SYT13: variants seen among roughly 807,000 people sequenced by gnomAD.
SYT13 encodes synaptotagmin-13.
SYT13 carries 21 observed loss-of-function variants against 38.6 expected under a neutral mutation model. That is an observed-to-expected ratio of 0.54 (90% CI 0.39 to 0.78). The LOEUF (loss-of-function observed/expected upper bound fraction) is 0.78. Ranked by LOEUF, SYT13 falls within the 30% of genes least tolerant of loss-of-function variation. SYT13 has a pLI of 0.00. For synonymous variants in SYT13, 241 were observed against 237.6 expected, an observed-to-expected ratio of 1.01 and a Z score of -0.13; for missense variants, 495 against 548.7, an observed-to-expected ratio of 0.90 and a Z score of 0.98.
At chr11:45,269,623 T>C (rs1854925071) in intron 1 of SYT13, 1 of 433,328 alleles carries the variant, frequency 2.3e-6, no homozygotes, top group Non-Finnish European at 3.9e-6. Flanking sequence ...AATAACCTAA[T>C]TATTTTTACT....
At chr11:45,262,270 A>G (rs1590519474) in intron 1 of SYT13, among the ~76,000 whole-genome samples, 1 of 152,232 alleles carries the variant, frequency 6.6e-6, no homozygotes, top group African/African-American at 2.4e-5. Flanking sequence ...AGAGTCCTCA[A>G]AATCATAGAG....
chr11:45,252,870 C>T lies in SYT13; in HGVS notation c.545-148G>A, dbSNP rs557110901. ...CTGACCACCCTGGGCACCAGGGAAT[C>T]GCCTTTCAGTGAGACATTTAGAAAT... On this transcript the variant is annotated intron_variant, in intron 3 of 5. Coordinates refer to ENST00000020926, the MANE Select transcript of SYT13 (RefSeq NM_020826.3). This position sits in a 1 kb window ranked among gnomAD's most constrained non-coding sequence, Gnocchi z 4.3. 5.6e-6 allele frequency: 4 copies of T among 713,450 alleles called. No homozygotes were observed. Among genetic ancestry groups the T allele is most frequent in the Admixed American group, 3.2e-5 (1 of 31,014 alleles). 44.2% of individuals were successfully genotyped at this position (713,450 alleles called of 1,614,324 possible).
At position 45,286,259 on chromosome 11, in the gene SYT13, G is replaced by T. The variant is rs1025278985; in HGVS notation, c.-52C>A. On this transcript the variant is annotated 5_prime_UTR_variant, in exon 1 of 6. Transcript: ENST00000020926. The stretch of plus-strand genomic sequence containing the variant: ...GTCCCGCAGCCGCTCACCTTCCCCG[G>T]GCCGGGCCCGCCTCCAGGCAGCTCC... 2 of 1,473,172 alleles carry T rather than the reference G, an allele frequency of 1.4e-6. No homozygotes were observed. The highest frequency in any genetic ancestry group is 1.8e-6 in the Non-Finnish European group (2 of 1,115,272). 91.3% of individuals were successfully genotyped at this position (1,473,172 alleles called of 1,614,324 possible). A position where few individuals can be genotyped will look rare whatever the true frequency, so the allele number is the denominator to read the frequency against.
chr11:45,277,293 A>G (rs976243518), intron 1 of SYT13, among the ~76,000 whole-genome samples: 23 of 152,202 alleles, frequency 1.5e-4, no homozygotes, highest in Admixed American at 3.9e-4. Context: ...ATGTTTTAGA[A>G]CTAGGTGGAG....
At chr11:45,245,226 C>G (rs1288369024) in intron 5 of SYT13, among the ~76,000 whole-genome samples, 1 of 152,210 alleles carries the variant, frequency 6.6e-6, no homozygotes, top group Non-Finnish European at 1.5e-5. Context: ...ACCAGGCGAG[C>G]TTTCATGTCA....
intron 1 of SYT13, among the ~76,000 whole-genome samples, chr11:45,276,047 G>A (rs1855006567): frequency 6.6e-6 from 1 of 152,146 alleles, no homozygotes; most frequent in African/African-American, 2.4e-5. Context: ...GACAGCAAAT[G>A]TTTGTTGAAA....
chr11:45,246,271 C>T, intron 5 of SYT13, 112 bp downstream of exon 5: 1 of 1,465,754 alleles, frequency 6.8e-7, no homozygotes, highest in Non-Finnish European at 9.2e-7. Flanking sequence ...TAGATGTGCT[C>T]ATATTCCACC....
rs144667526 is a variant in SYT13, at chr11:45,281,096, T to C, written c.183+4929A>G. ...CTGTAATCCCAGCTACTTGGAAGGC[T>C]GAGGCAAGAGAATTGCTTGAACCCA... On this transcript the variant is annotated intron_variant, in intron 1 of 5. Transcript: ENST00000020926. Among the ~76,000 whole-genome samples, 1,318 of 152,036 alleles carry C rather than the reference T, an allele frequency of 8.7e-3. 21 individuals carry two copies. The highest frequency in any genetic ancestry group is 0.03 in the African/African-American group (1,247 of 41,458).
In SYT13 at chr11:45,252,317, T is replaced by G. The variant is rs1457116226; in HGVS notation, c.846+104A>C. ...CTTCCAGCCCCAAGCCAGGGAGGTC[T>G]CTGAGGCTTGTTCCCTAAGACTGAG... is the stretch of plus-strand genomic sequence containing the variant. On this transcript the variant is annotated intron_variant, in intron 4 of 5. Coordinates refer to ENST00000020926, the MANE Select transcript of SYT13 (RefSeq NM_020826.3). The surrounding 1 kb of genome is among the most constrained non-coding windows in gnomAD (Gnocchi z 4.3). 1.7e-5 allele frequency: 23 copies of G among 1,381,118 alleles called. No individual in the cohort carries two copies. The highest frequency in any genetic ancestry group is 2.1e-5 in the Non-Finnish European group (22 of 1,031,184). The allele number at this position is 1,381,118 out of a possible 1,614,324, so 85.6% of individuals were successfully genotyped here. A position where few individuals can be genotyped will look rare whatever the true frequency, so the allele number is the denominator to read the frequency against.
chr11:45,264,406 T>C (rs1590521219), intron 1 of SYT13, among the ~76,000 whole-genome samples: 1 of 152,250 alleles, frequency 6.6e-6, no homozygotes, highest in Non-Finnish European at 1.5e-5. Context: ...CCATTTTCCT[T>C]GCTCTCTCTC....
chr11:45,271,462 T>G (rs1045017535), intron 1 of SYT13, among the ~76,000 whole-genome samples: 5 of 152,014 alleles, frequency 3.3e-5, no homozygotes, highest in African/African-American at 7.3e-5. Flanking sequence ...AGCAGCAGTG[T>G]GCATCCAGAG....
rs371855733 is a variant in SYT13 at position 45,244,011 on chromosome 11, G to A, written c.*41C>T. The stretch of plus-strand genomic sequence containing the variant: ...GCACAGAAAGGAGGTTGCAGAGGAC[G>A]GGTCAGGGCTGTCCAAGAAGGGAGG... On this transcript the variant is annotated 3_prime_UTR_variant, in exon 6 of 6. Coordinates refer to ENST00000020926, the MANE Select transcript of SYT13 (RefSeq NM_020826.3). 25 of 1,536,978 alleles carry A rather than the reference G, an allele frequency of 1.6e-5. No individual in the cohort carries two copies. The African/African-American group carries it at 2.9e-4, about 18-fold the overall frequency.
chr11:45,245,935 G>C (rs541794079), intron 5 of SYT13, among the ~76,000 whole-genome samples: 1 of 152,206 alleles, frequency 6.6e-6, no homozygotes, highest in South Asian at 2.1e-4. Context: ...GTTCAGACAG[G>C]AGGGGAATAA....
intron 1 of SYT13, among the ~76,000 whole-genome samples, chr11:45,281,204 AAAG>A (rs1263845130): frequency 2.0e-5 from 3 of 152,032 alleles, no homozygotes; most frequent in Non-Finnish European, 4.4e-5. Flanking sequence ...TCAAAAAAAA[AAAG>A]AAAGAAAGAA....
At chr11:45,278,291 G>A (rs1323832705) in intron 1 of SYT13, among the ~76,000 whole-genome samples, 3 of 152,132 alleles carry the variant, frequency 2.0e-5, no homozygotes, top group East Asian at 1.9e-4. Context: ...AGGTGGAAGC[G>A]GGAGGTGAAC....
In SYT13 at chr11:45,242,433, T is replaced by G. The variant is rs1039869173; in HGVS notation, c.*1619A>C. 3.9e-5 allele frequency: 6 copies of G among 152,058 alleles called. No homozygotes were observed. The highest frequency in any genetic ancestry group is 1.4e-4 in the African/African-American group (6 of 41,406). 9.4% of individuals were successfully genotyped at this position (152,058 alleles called of 1,614,324 possible). A position where few individuals can be genotyped will look rare whatever the true frequency, so the allele number is the denominator to read the frequency against. ...AAAGTACAAAAATTAGCCAGGCATG[T>G]TGGTGGGCACCTGTAATCCCAGCTA... On this transcript the variant is annotated 3_prime_UTR_variant, in exon 6 of 6. Coordinates refer to ENST00000020926, the MANE Select transcript of SYT13 (RefSeq NM_020826.3).
In SYT13 at chr11:45,252,733, G is replaced by A. The variant is rs367645212; in HGVS notation, c.545-11C>T. On this transcript the variant is annotated splice_polypyrimidine_tract_variant and intron_variant, in intron 3 of 5. Coordinates refer to ENST00000020926, the MANE Select transcript of SYT13 (RefSeq NM_020826.3). This position sits in a 1 kb window ranked among gnomAD's most constrained non-coding sequence, Gnocchi z 4.3. ...GGTTGCTGGTCACAGCTGCAGGCAA[G>A]GAGAACAACACAGGCGTGGGACTTT... The A allele has an allele frequency of 2.5e-5, 39 of 1,560,462 alleles. No individual in the cohort carries two copies. Among genetic ancestry groups the A allele is most frequent in the Non-Finnish European group, 3.4e-5 (39 of 1,147,562 alleles).
chr11:45,275,031 G>A (rs1436858345), intron 1 of SYT13, among the ~76,000 whole-genome samples: 1 of 152,084 alleles, frequency 6.6e-6, no homozygotes, highest in Admixed American at 6.6e-5. Flanking sequence ...ATCACTAAAG[G>A]CAAGCATAGA....
rs1438362779 is a variant in SYT13, at chr11:45,255,861, G to A, written c.214C>T (p.Gln72Ter). Residue 72 changes from glutamine to a stop codon, truncating the protein, a stop_gained, in exon 2 of 6, where the codon CAG (glutamine) becomes TAG (stop). Coordinates refer to ENST00000020926, the MANE Select transcript of SYT13 (RefSeq NM_020826.3). LOFTEE classifies it high-confidence loss of function. Reference protein sequence around the residue: ...FNVKKSTEPVQPRALLKFPDI... With the variant: ...FNVKKSTEPV Reference sequence around the variant, plus strand: ...GGGAACTTGAGGAGGGCACGGGGCTGAACAGGTTCCGTGGACTTTTTAACA... The same window carrying A: ...GGGAACTTGAGGAGGGCACGGGGCTAAACAGGTTCCGTGGACTTTTTAACA... 2 of 1,614,062 alleles carry A rather than the reference G, an allele frequency of 1.2e-6. No individual in the cohort carries two copies. The highest frequency in any genetic ancestry group is 2.2e-5 in the East Asian group (1 of 44,898).
Sources: allele counts gnomAD v4.1 joint callset (sites outside exome capture counted in the v4.1 genomes callset), GRCh38; gene constraint gnomAD v4.1.1; non-coding constraint Gnocchi (gnomAD v3.1); transcripts MANE v1.5; gene names NCBI Gene and HGNC (gene_info 2026-07-23, HGNC 2026-07-21).